The following ROBO1 variants were observed in gnomAD, a reference collection of about 807,000 sequenced individuals.
ROBO1 encodes the protein roundabout homolog 1.
In ROBO1, 149 loss-of-function variants were observed where a neutral mutation model predicts 195.9. The ratio of observed to expected loss-of-function variants is 0.76; its 90% CI spans 0.67 to 0.87. The LOEUF is 0.87. Ranked by LOEUF, ROBO1 falls within the 40% of genes least tolerant of loss-of-function variation. The probability of loss-of-function intolerance (pLI) is 0.00; values close to 1 mark genes in which losing one functional copy is unlikely to be tolerated. For missense variants in ROBO1, 1,933 were observed against 2,068.3 expected, an observed-to-expected ratio of 0.93 and a Z score of 1.27; for synonymous variants, 816 against 733.2, an observed-to-expected ratio of 1.11 and a Z score of -1.82.
At chr3:79,725,930 A>G (rs911469661) in intron 1 of ROBO1, among the ~76,000 whole-genome samples, 2 of 151,240 alleles carry the variant, frequency 1.3e-5, no homozygotes, top group African/African-American at 4.9e-5. Context: ...TCTTAAAAAA[A>G]AAAGTATATC....
intron 4 of ROBO1, among the ~76,000 whole-genome samples, chr3:78,901,818 T>G (rs2037608121): frequency 6.6e-6 from 1 of 152,198 alleles, no homozygotes; most frequent in Non-Finnish European, 1.5e-5. Flanking sequence ...CTTTTGTGAT[T>G]GCCCATCTTT....
chr3:79,665,994 A>G (rs1405297132), intron 1 of ROBO1, among the ~76,000 whole-genome samples: 1 of 151,968 alleles, frequency 6.6e-6, no homozygotes, highest in African/African-American at 2.4e-5. Flanking sequence ...CTAATTTGAA[A>G]TACATATAGA....
In ROBO1 at chr3:79,042,591, TATC is replaced by T. The variant is rs529173125; in HGVS notation, c.172+82862_172+82864del. On this transcript the variant is annotated intron_variant, in intron 3 of 30. Transcript: ENST00000464233. The stretch of plus-strand genomic sequence containing the variant: ...CTGATGTTCTGAATCTAACAGATGA[TATC>T]ATATTTCTAAAATGTAATCCTGCAG... Among the ~76,000 whole-genome samples the T allele has an allele frequency of 1.9e-3, 284 of 152,302 alleles. 1 individual carries two copies. The highest frequency in any genetic ancestry group is 6.5e-3 in the African/African-American group (271 of 41,568).
chr3:79,407,300 A>G (rs1350799013), intron 2 of ROBO1, among the ~76,000 whole-genome samples: 1 of 152,180 alleles, frequency 6.6e-6, no homozygotes, highest in Non-Finnish European at 1.5e-5. Flanking sequence ...GTAGCAATAA[A>G]TGGATGATGT....
chr3:79,058,499 A>G (rs1269766631), intron 3 of ROBO1, among the ~76,000 whole-genome samples: 2 of 151,984 alleles, frequency 1.3e-5, no homozygotes, highest in African/African-American at 4.8e-5. Flanking sequence ...GGAAGGGGAA[A>G]CTTTTCTGTC....
chr3:79,066,913 G>C (rs759547926), intron 3 of ROBO1, among the ~76,000 whole-genome samples: 89 of 152,020 alleles, frequency 5.9e-4, no homozygotes, highest in Non-Finnish European at 1.2e-3. Flanking sequence ...AAGGTAGTGA[G>C]TCAAGCATGA....
At chr3:79,475,321 T>G (rs1938494899) in intron 2 of ROBO1, among the ~76,000 whole-genome samples, 2 of 152,004 alleles carry the variant, frequency 1.3e-5, no homozygotes, top group African/African-American at 4.8e-5. Flanking sequence ...TATTGTTTAG[T>G]CTACATGTAG....
intron 1 of ROBO1, among the ~76,000 whole-genome samples, chr3:79,761,071 TTA>T (rs1204729330): frequency 6.7e-6 from 1 of 148,306 alleles, no homozygotes; most frequent in Non-Finnish European, 1.5e-5. Flanking sequence ...ATGCACTATA[TTA>T]TATATGAAAT....
At chr3:79,422,851 G>T (rs1046771334) in intron 2 of ROBO1, among the ~76,000 whole-genome samples, 5 of 152,020 alleles carry the variant, frequency 3.3e-5, no homozygotes, top group African/African-American at 1.2e-4. Context: ...TATTTCTGTG[G>T]TACTCACCTC....
intron 3 of ROBO1, among the ~76,000 whole-genome samples, chr3:79,059,839 T>C (rs1418194703): frequency 3.3e-5 from 5 of 151,978 alleles, no homozygotes; most frequent in Non-Finnish European, 7.4e-5. Context: ...TTGTAAAACA[T>C]GTGTGTTTGA....
At chr3:79,001,647 G>C (rs907808855) in intron 3 of ROBO1, among the ~76,000 whole-genome samples, 6 of 152,026 alleles carry the variant, frequency 3.9e-5, no homozygotes, top group Non-Finnish European at 8.8e-5. Context: ...TAAGATACTA[G>C]GCAATTTTTA....
intron 10 of ROBO1, among the ~76,000 whole-genome samples, chr3:78,680,926 A>T (rs897006234): frequency 6.6e-6 from 1 of 150,608 alleles, no homozygotes. Flanking sequence ...AAGACTTGGA[A>T]CCAACCCAAA....
chr3:79,572,118 C>T (rs1943298484), intron 2 of ROBO1, among the ~76,000 whole-genome samples: 2 of 151,986 alleles, frequency 1.3e-5, no homozygotes, highest in Admixed American at 6.6e-5. Flanking sequence ...CTAACCTGCA[C>T]ATTGTGCACA....
chr3:79,752,502 A>G (rs1425929694), intron 1 of ROBO1, among the ~76,000 whole-genome samples: 2 of 152,090 alleles, frequency 1.3e-5, no homozygotes, highest in East Asian at 3.9e-4. Flanking sequence ...AGGGCTTTAG[A>G]ATGTAGGGTG....
At chr3:79,542,882 TC>T (rs1942127767) in intron 2 of ROBO1, among the ~76,000 whole-genome samples, 1 of 152,062 alleles carries the variant, frequency 6.6e-6, no homozygotes, top group Non-Finnish European at 1.5e-5. Flanking sequence ...AGCATAAATT[TC>T]CCTTTAATAT....
rs1055321727 is a variant in ROBO1, at chr3:79,441,198, T to C, written c.88+148626A>G. Among the ~76,000 whole-genome samples the C allele has an allele frequency of 2.0e-5, 3 of 152,282 alleles. No individual in the cohort carries two copies. In the South Asian group the frequency reaches 6.2e-4, roughly 32 times the overall value. On this transcript the variant is annotated intron_variant, in intron 2 of 30. Coordinates refer to ENST00000464233, the MANE Select transcript of ROBO1 (RefSeq NM_002941.4). ...TATTAGTAACAGAGAGCTTCAACCA[T>C]ATTTTAAGAGAAAACTATTAGCAAT...
chr3:78,993,724 A>G (rs2077290438), intron 3 of ROBO1, among the ~76,000 whole-genome samples: 1 of 152,116 alleles, frequency 6.6e-6, no homozygotes, highest in South Asian at 2.1e-4. Context: ...TTTGCCCATA[A>G]TTGTTAATTC....
chr3:79,049,174 T>C (rs998298048), intron 3 of ROBO1, among the ~76,000 whole-genome samples: 3 of 152,080 alleles, frequency 2.0e-5, no homozygotes, highest in East Asian at 1.9e-4. Flanking sequence ...AATGGGTAAC[T>C]AGAATAAGCA....
chr3:78,626,922 T>C (rs1484826286), intron 26 of ROBO1, among the ~76,000 whole-genome samples: 1 of 152,138 alleles, frequency 6.6e-6, no homozygotes, highest in Non-Finnish European at 1.5e-5. Flanking sequence ...GTAAACTTAA[T>C]TTTAAAAGAC....
Sources: allele counts gnomAD v4.1 joint callset (sites outside exome capture counted in the v4.1 genomes callset), GRCh38; gene constraint gnomAD v4.1.1; transcripts MANE v1.5; gene names NCBI Gene and HGNC (gene_info 2026-07-23, HGNC 2026-07-21).